CRB1: variants seen among roughly 807,000 people sequenced by gnomAD.
The protein encoded by CRB1 is protein crumbs homolog 1.
In CRB1, 83 loss-of-function variants were observed where a neutral mutation model predicts 120.0. The ratio of observed to expected loss-of-function variants is 0.69; its 90% CI spans 0.58 to 0.83. The LOEUF (loss-of-function observed/expected upper bound fraction) is 0.83. CRB1 is among the 40% of genes least tolerant of loss of function. The probability of loss-of-function intolerance (pLI) is 0.00; values close to 1 mark genes in which losing one functional copy is unlikely to be tolerated. For synonymous variants in CRB1, 625 were observed against 612.5 expected (o/e 1.02, Z -0.30); for missense variants, 1,699 against 1,687.6 (o/e 1.01, Z -0.12).
the CRB1 span, among the ~76,000 whole-genome samples, chr1:197,206,631 T>C: frequency 6.6e-6 from 1 of 152,166 alleles, no homozygotes; most frequent in Non-Finnish European, 1.5e-5. Context: ...TCAGTTTTCT[T>C]AAATTTATTG....
intron 1 of CRB1, among the ~76,000 whole-genome samples, chr1:197,272,538 TAGAG>T (rs760456461): frequency 1.3e-5 from 2 of 151,542 alleles, no homozygotes; most frequent in Admixed American, 6.6e-5. Flanking sequence ...CAAGAAAAGT[TAGAG>T]TGAGTGTTTA....
intron 5 of CRB1, among the ~76,000 whole-genome samples, chr1:197,391,333 A>G (rs1662495564): frequency 6.6e-6 from 1 of 152,138 alleles, no homozygotes; most frequent in South Asian, 2.1e-4. Context: ...GCTAATTTCA[A>G]CCAACTTTGA....
intron 1 of CRB1, among the ~76,000 whole-genome samples, chr1:197,313,855 C>T (rs933652344): frequency 3.4e-4 from 52 of 152,120 alleles, no homozygotes; most frequent in African/African-American, 1.2e-3. Context: ...TTCCATATCT[C>T]GCCTATTGTG....
the CRB1 span, among the ~76,000 whole-genome samples, chr1:197,215,299 C>T: frequency 3.7e-5 from 5 of 136,974 alleles, no homozygotes; most frequent in Non-Finnish European, 6.2e-5. Flanking sequence ...TTTTTTGAGA[C>T]GCAGTTTCAC....
intron 8 of CRB1, among the ~76,000 whole-genome samples, chr1:197,431,824 G>A (rs1043005391): frequency 6.6e-6 from 1 of 152,104 alleles, no homozygotes; most frequent in African/African-American, 2.4e-5. Flanking sequence ...ATAAATAGGT[G>A]TACAATAGGA....
chr1:197,205,247 C>A, the CRB1 span, among the ~76,000 whole-genome samples: 1 of 152,166 alleles, frequency 6.6e-6, no homozygotes, highest in East Asian at 1.9e-4. Context: ...TCCTTTATTT[C>A]TCGTCTGATT....
the CRB1 span, among the ~76,000 whole-genome samples, chr1:197,211,895 G>T: frequency 6.6e-6 from 1 of 151,568 alleles, no homozygotes; most frequent in African/African-American, 2.4e-5. Flanking sequence ...ATCTGGCAAA[G>T]AACTTACATC....
At chr1:197,352,883 T>C (rs188982305) in intron 4 of CRB1, among the ~76,000 whole-genome samples, 2 of 152,332 alleles carry the variant, frequency 1.3e-5, no homozygotes, top group African/African-American at 4.8e-5. Context: ...TACAATCTCA[T>C]TATTTGCTTA....
intron 5 of CRB1, among the ~76,000 whole-genome samples, chr1:197,391,633 G>A (rs951890154): frequency 2.6e-5 from 4 of 152,036 alleles, no homozygotes; most frequent in Non-Finnish European, 1.5e-5. Flanking sequence ...TTGCATCCTG[G>A]AACTTTATAA....
intron 5 of CRB1, among the ~76,000 whole-genome samples, chr1:197,361,350 T>C (rs1660759105): frequency 6.6e-6 from 1 of 152,152 alleles, no homozygotes; most frequent in Non-Finnish European, 1.5e-5. Context: ...GTAGTAGACA[T>C]ATTCAGGGAA....
At chr1:197,316,266 GCTCCGC>G (rs1171333864) in intron 1 of CRB1, among the ~76,000 whole-genome samples, 1 of 151,920 alleles carries the variant, frequency 6.6e-6, no homozygotes, top group Non-Finnish European at 1.5e-5. Context: ...CTCACTGCAA[GCTCCGC>G]CTCCCGGGTT....
In CRB1 at chr1:197,435,219, A is replaced by G; in HGVS notation, c.3356A>G (p.Lys1119Arg). 11 of 1,613,924 alleles carry G rather than the reference A, an allele frequency of 6.8e-6. No individual in the cohort carries two copies. The highest frequency in any genetic ancestry group is 9.3e-6 in the Non-Finnish European group (11 of 1,179,866). Residue 1119 changes from lysine to arginine, a missense_variant, in exon 9 of 12, where the codon AAA (lysine) becomes AGA (arginine). Physicochemically the swap from Lys to Arg is conservative, Grantham distance 26. Coordinates refer to ENST00000367400, the MANE Select transcript of CRB1 (RefSeq NM_201253.3). Reference sequence around the variant, plus strand: ...GAAAATGTTCATGGTTTCATTAATAAACCTCAGGAAGAGCAATTTCTCAAA... The same window carrying G: ...GAAAATGTTCATGGTTTCATTAATAGACCTCAGGAAGAGCAATTTCTCAAA... ...YFENVHGFINKPQEEQFLKIS... is the reference protein window; with the variant it reads ...YFENVHGFINRPQEEQFLKIS...
intron 5 of CRB1, among the ~76,000 whole-genome samples, chr1:197,382,313 T>C (rs1369695643): frequency 3.3e-5 from 5 of 152,310 alleles, no homozygotes; most frequent in Admixed American, 6.5e-5. Context: ...AGAGGGCAGG[T>C]ACTTAGGGCT....
At chr1:197,317,605 G>T (rs1465313652) in intron 1 of CRB1, among the ~76,000 whole-genome samples, 2 of 152,062 alleles carry the variant, frequency 1.3e-5, no homozygotes, top group Non-Finnish European at 2.9e-5. Context: ...ATACCAAAAG[G>T]CTAGAGTAAC....
chr1:197,247,578 T>G, the CRB1 span, among the ~76,000 whole-genome samples: 3 of 152,078 alleles, frequency 2.0e-5, no homozygotes, highest in Admixed American at 6.6e-5. Context: ...ATCACAAGAC[T>G]TTCATTTGCA....
At chr1:197,255,395 C>T in the CRB1 span, among the ~76,000 whole-genome samples, 1 of 152,092 alleles carries the variant, frequency 6.6e-6, no homozygotes, top group Admixed American at 6.6e-5. Flanking sequence ...TTCTATGCTG[C>T]ACTGGGTATC....
At chr1:197,284,689 T>C (rs945940370) in intron 1 of CRB1, among the ~76,000 whole-genome samples, 3 of 151,912 alleles carry the variant, frequency 2.0e-5, no homozygotes, top group South Asian at 2.1e-4. Context: ...TTAGTCCTTT[T>C]TCGGTATATA....
upstream of CRB1, among the ~76,000 whole-genome samples, chr1:197,266,093 T>TA (rs1654624470): frequency 6.6e-6 from 1 of 152,240 alleles, no homozygotes; most frequent in Admixed American, 6.5e-5. Context: ...CCAACTGCTT[T>TA]AGGCCTCTAT....
chr1:197,218,631 C>T, the CRB1 span, among the ~76,000 whole-genome samples: 2 of 152,022 alleles, frequency 1.3e-5, no homozygotes, highest in South Asian at 2.1e-4. Flanking sequence ...GGGCTGTGTA[C>T]GTGTAAAAGT....
Sources: allele counts gnomAD v4.1 joint callset (sites outside exome capture counted in the v4.1 genomes callset), GRCh38; gene constraint gnomAD v4.1.1; transcripts MANE v1.5; gene names NCBI Gene and HGNC (gene_info 2026-07-23, HGNC 2026-07-21).